MED13L: variants seen among roughly 807,000 people sequenced by gnomAD.
MED13L encodes mediator complex subunit 13L, also known as mediator of RNA polymerase II transcription subunit 13-like.
A neutral mutation model predicts 220.9 loss-of-function variants in MED13L; 7 were observed. The observed-to-expected ratio is 0.03, with a 90% CI of 0.02 to 0.06. The LOEUF is 0.06. Among genes scored for constraint, MED13L ranks in the 10% least tolerant of loss-of-function variants. The probability of loss-of-function intolerance (pLI) is 1.00; values close to 1 mark genes in which losing one functional copy is unlikely to be tolerated. For synonymous variants in MED13L, 1,011 were observed against 1,015.2 expected (o/e 1.00, Z 0.08); for missense variants, 1,965 against 2,760.5 (o/e 0.71, Z 6.46).
At chr12:116,220,655 T>C (rs1370738293) in intron 2 of MED13L, among the ~76,000 whole-genome samples, 3 of 152,148 alleles carry the variant, frequency 2.0e-5, no homozygotes, top group Non-Finnish European at 4.4e-5. Flanking sequence ...GCCGAGATTG[T>C]GCCATTGCAC....
At chr12:116,200,073 G>T (rs1593157969) in intron 2 of MED13L, among the ~76,000 whole-genome samples, 1 of 78,680 alleles carries the variant, frequency 1.3e-5, no homozygotes. Flanking sequence ...GCAGGAGGAT[G>T]CTTTTCAAAA....
rs137898753 is a variant in MED13L at position 116,096,730 on chromosome 12, C to G, written c.418G>C (p.Val140Leu). Residue 140 changes from valine to leucine, a missense_variant, in exon 4 of 31, where the codon GTT becomes CTT. Val to Leu is a conservative substitution (Grantham distance 32). Transcript: ENST00000281928. ...CGGACAAACCATTTCCCAATCCTAA[C>G]GAAGTTCTTATCCATTAGGCACCTA... ...LERCLMDKNF[V>L]RIGKWFVRPY... 3 of 1,613,682 alleles carry G rather than the reference C, an allele frequency of 1.9e-6. No homozygotes were observed. Among genetic ancestry groups the G allele is most frequent in the Non-Finnish European group, 2.5e-6 (3 of 1,179,838 alleles).
intron 2 of MED13L, chr12:116,230,505 T>C (rs1869452726): frequency 1.0e-6 from 1 of 983,672 alleles, no homozygotes; most frequent in Admixed American, 6.2e-5. Context: ...GTATCATTCA[T>C]GTTTTCAAAA....
At position 116,007,876 on chromosome 12, in the gene MED13L, C is replaced by A; in HGVS notation, c.2013-240G>T. On this transcript the variant is annotated intron_variant, in intron 10 of 30. Transcript: ENST00000281928. ...GGACAGACTGCCTAGTTTCAAATTC[C>A]ATCTGTGTCATTTACTAACTGCATG... 5.8e-6 allele frequency: 3 copies of A among 519,468 alleles called. No individual in the cohort carries two copies. In the East Asian group the frequency reaches 1.0e-4, roughly 18 times the overall value. 32.2% of individuals were successfully genotyped at this position (519,468 alleles called of 1,614,324 possible). A position where few individuals can be genotyped will look rare whatever the true frequency, so the allele number is the denominator to read the frequency against.
chr12:116,091,030 C>A (rs1872151902), intron 4 of MED13L, among the ~76,000 whole-genome samples: 1 of 147,142 alleles, frequency 6.8e-6, no homozygotes, highest in African/African-American at 2.5e-5. Context: ...GAGGCTGAGG[C>A]AGGAGAATTG....
At chr12:116,087,198 C>T (rs1216303807) in intron 4 of MED13L, among the ~76,000 whole-genome samples, 2 of 152,122 alleles carry the variant, frequency 1.3e-5, no homozygotes, top group African/African-American at 4.8e-5. Flanking sequence ...TACACAATAA[C>T]CAGATGTTAG....
intron 2 of MED13L, among the ~76,000 whole-genome samples, chr12:116,167,491 A>G (rs947291393): frequency 6.6e-6 from 1 of 152,166 alleles, no homozygotes; most frequent in African/African-American, 2.4e-5. Flanking sequence ...ACGTTTCCCC[A>G]CAATATTTAT....
chr12:116,193,650 G>A (rs1452090912), intron 2 of MED13L, among the ~76,000 whole-genome samples: 3 of 149,820 alleles, frequency 2.0e-5, no homozygotes, highest in African/African-American at 4.9e-5. Context: ...CTAATACCTC[G>A]CTATTTTTGT....
At chr12:116,225,844 C>G (rs1868930100) in intron 2 of MED13L, among the ~76,000 whole-genome samples, 1 of 152,030 alleles carries the variant, frequency 6.6e-6, no homozygotes, top group South Asian at 2.1e-4. Context: ...AGAAAGTAAG[C>G]CTTCAAGATT....
chr12:115,977,582 A>C (rs762842891), intron 23 of MED13L, among the ~76,000 whole-genome samples: 9 of 152,226 alleles, frequency 5.9e-5, no homozygotes, highest in Non-Finnish European at 1.0e-4. Context: ...GGATAGACAA[A>C]ATGTGGTACA....
At chr12:116,274,340 A>C (rs1473132689) in intron 1 of MED13L, among the ~76,000 whole-genome samples, 2 of 151,674 alleles carry the variant, frequency 1.3e-5, no homozygotes, top group Non-Finnish European at 2.9e-5. Flanking sequence ...ACGGTACAGA[A>C]CTTAATCTCT....
intron 2 of MED13L, among the ~76,000 whole-genome samples, chr12:116,149,854 TA>T (rs1565901231): frequency 6.6e-6 from 1 of 152,180 alleles, no homozygotes; most frequent in African/African-American, 2.4e-5. Flanking sequence ...TAGCTGGCAA[TA>T]AAAAATGTTT....
chr12:116,178,922 C>T (rs1010965840), intron 2 of MED13L, among the ~76,000 whole-genome samples: 20 of 152,228 alleles, frequency 1.3e-4, no homozygotes, highest in African/African-American at 4.1e-4. Context: ...ATAGTTACAC[C>T]GTTAGCAAAT....
intron 1 of MED13L, among the ~76,000 whole-genome samples, chr12:116,263,221 T>A (rs1872623767): frequency 6.6e-6 from 1 of 152,100 alleles, no homozygotes; most frequent in Admixed American, 6.5e-5. Flanking sequence ...GCTCTAGGAT[T>A]ACATCACAAC....
At chr12:116,095,408 T>A (rs1172571517) in intron 4 of MED13L, among the ~76,000 whole-genome samples, 1 of 152,226 alleles carries the variant, frequency 6.6e-6, no homozygotes, top group African/African-American at 2.4e-5. Flanking sequence ...CGGTCCCTAA[T>A]TTATCTGATT....
At chr12:116,217,933 G>C (rs1294393469) in intron 2 of MED13L, among the ~76,000 whole-genome samples, 1 of 152,136 alleles carries the variant, frequency 6.6e-6, no homozygotes, top group African/African-American at 2.4e-5. Flanking sequence ...GAAAAAATGA[G>C]CAACTAGTTA....
intron 2 of MED13L, among the ~76,000 whole-genome samples, chr12:116,202,729 A>C (rs1310929621): frequency 1.3e-5 from 2 of 152,090 alleles, no homozygotes; most frequent in Non-Finnish European, 2.9e-5. Context: ...ACCAACCCTT[A>C]ACCTTCTTCC....
In MED13L at chr12:115,980,515, G is replaced by C. The variant is rs907206598; in HGVS notation, c.5364+235C>G. ...TTTAAAAGAAAATTTGTAGAGATGG[G>C]GTCTTGCTATGTTGCCCAGTGTGGT... On this transcript the variant is annotated intron_variant, in intron 23 of 30. Transcript: ENST00000281928. The C allele has an allele frequency of 6.0e-5, 34 of 564,988 alleles. No homozygotes were observed. In the African/African-American group the frequency reaches 6.0e-4, roughly 10 times the overall value. The allele number at this position is 564,988 out of a possible 1,614,324, so 35.0% of individuals were successfully genotyped here.
At chr12:116,203,770 G>A (rs1420603919) in intron 2 of MED13L, among the ~76,000 whole-genome samples, 3 of 151,934 alleles carry the variant, frequency 2.0e-5, no homozygotes, top group Non-Finnish European at 2.9e-5. Context: ...GCAGTGAGCC[G>A]AGATCACGCC....
Sources: gnomAD v4.1 joint callset for allele counts (sites outside exome capture counted in the v4.1 genomes callset) on GRCh38, gnomAD v4.1.1 for gene constraint, MANE v1.5 for transcripts, NCBI Gene and HGNC (gene_info 2026-07-23, HGNC 2026-07-21) for gene names.